The following KCND3 variants were observed in gnomAD, a reference collection of about 807,000 sequenced individuals.
KCND3 encodes A-type voltage-gated potassium channel KCND3.
A neutral mutation model predicts 51.1 loss-of-function variants in KCND3; 9 were observed. The observed-to-expected ratio is 0.18, with a 90% CI of 0.11 to 0.31. The LOEUF (loss-of-function observed/expected upper bound fraction) is 0.31. Ranked by LOEUF, KCND3 falls within the 10% of genes least tolerant of loss-of-function variation. The pLI, the probability that KCND3 is intolerant of heterozygous loss-of-function variation, is 1.00. For missense variants in KCND3, 526 were observed against 903.8 expected, an observed-to-expected ratio of 0.58 and a Z score of 5.36; for synonymous variants, 349 against 368.0, an observed-to-expected ratio of 0.95 and a Z score of 0.59.
intron 2 of KCND3, among the ~76,000 whole-genome samples, chr1:111,807,569 G>C (rs1300602901): frequency 1.3e-5 from 2 of 152,148 alleles, no homozygotes; most frequent in Non-Finnish European, 2.9e-5. Context: ...CCAGCTACTT[G>C]GGAGCCTGAG....
At chr1:111,895,573 A>G (rs900877996) in intron 2 of KCND3, among the ~76,000 whole-genome samples, 4 of 152,250 alleles carry the variant, frequency 2.6e-5, no homozygotes, top group Admixed American at 1.3e-4. Flanking sequence ...GCTGCATCCC[A>G]GTGATCAGGC....
At chr1:111,801,299 C>T (rs137898335) in intron 2 of KCND3, among the ~76,000 whole-genome samples, 13 of 152,328 alleles carry the variant, frequency 8.5e-5, no homozygotes, top group African/African-American at 2.9e-4. Flanking sequence ...GAGTCAGACA[C>T]CTTTATGCCC....
intron 2 of KCND3, among the ~76,000 whole-genome samples, chr1:111,879,546 TG>T (rs1669206442): frequency 6.6e-6 from 1 of 152,182 alleles, no homozygotes; most frequent in South Asian, 2.1e-4. Context: ...GCATGTGCTA[TG>T]GGGCTGAAAA....
At chr1:111,834,872 C>T (rs2014762) in intron 2 of KCND3, among the ~76,000 whole-genome samples, 86,865 of 152,036 alleles carry the variant, frequency 0.57, 25,002 homozygotes, top group Middle Eastern at 0.61. Flanking sequence ...AGCCAGGATG[C>T]CCAGCTGTGG....
intron 2 of KCND3, among the ~76,000 whole-genome samples, chr1:111,865,923 C>A (rs1281934761): frequency 6.6e-6 from 1 of 152,156 alleles, no homozygotes; most frequent in Non-Finnish European, 1.5e-5. Flanking sequence ...CTAGGCTGGT[C>A]TTAAACTCCT....
At chr1:111,790,986 G>T (rs1370900446) in intron 2 of KCND3, among the ~76,000 whole-genome samples, 1 of 152,140 alleles carries the variant, frequency 6.6e-6, no homozygotes, top group Non-Finnish European at 1.5e-5. Context: ...ATGACATTTG[G>T]GTTGTTCCCA....
intron 2 of KCND3, among the ~76,000 whole-genome samples, chr1:111,918,923 A>C (rs1052285493): frequency 6.6e-6 from 1 of 151,784 alleles, no homozygotes; most frequent in African/African-American, 2.4e-5. Context: ...TGTGTGTAGA[A>C]GCCCCTGTAG....
At chr1:111,786,443 A>G (rs549566559) in intron 3 of KCND3, among the ~76,000 whole-genome samples, 121 of 152,272 alleles carry the variant, frequency 7.9e-4, no homozygotes, top group African/African-American at 2.6e-3. Context: ...CCTTTGCCCT[A>G]TGATATCTTG....
chr1:111,774,663 TCTAGAATCTCTTACTTGCTTTTGCTTTG>T lies in KCND3; in HGVS notation c.*1386_*1413del, dbSNP rs1201875208. ...CATCTTTCATAGCAGGTAAGAATCATCTAGAATCTCTTACTTGCTTTTGCTTTGAAGCATTTTTCTTGAGGCACACAGG... is the reference window on the plus strand; with the variant it reads ...CATCTTTCATAGCAGGTAAGAATCATAAGCATTTTTCTTGAGGCACACAGG... On this transcript the variant is annotated 3_prime_UTR_variant, in exon 8 of 8. Coordinates refer to ENST00000302127, the MANE Select transcript of KCND3 (RefSeq NM_001378969.1). The T allele has an allele frequency of 1.3e-5, 2 of 152,220 alleles. No homozygotes were observed. Among genetic ancestry groups the T allele is most frequent in the Non-Finnish European group, 2.9e-5 (2 of 68,044 alleles). The allele number at this position is 152,220 out of a possible 1,614,324, so 9.4% of individuals were successfully genotyped here.
chr1:111,955,317 G>T (rs992592208), intron 2 of KCND3, among the ~76,000 whole-genome samples: 2 of 152,152 alleles, frequency 1.3e-5, no homozygotes, highest in African/African-American at 4.8e-5. Flanking sequence ...AGGAGGCTGG[G>T]GCGAGAGGAC....
Position 111,981,977 on chromosome 1 carries a change from G to A in KCND3, c.750C>T (p.Ser250=), listed in dbSNP as rs778246082. Reference sequence around the variant, plus strand: ...TGACGCTGCGGATGAAGCGGTAGCGGCTGGGAGCCGCGAAGAGCCGCAGGA... The same window carrying A: ...TGACGCTGCGGATGAAGCGGTAGCGACTGGGAGCCGCGAAGAGCCGCAGGA... ...EYLLRLFAAP[S]RYRFIRSVMS... The change falls in exon 2 of 8, where the codon AGC becomes AGT. Residue 250 remains serine, a synonymous_variant. Coordinates refer to ENST00000302127, the MANE Select transcript of KCND3 (RefSeq NM_001378969.1). The surrounding 1 kb of genome is among the most constrained non-coding windows in gnomAD (Gnocchi z 6.2). 1 of 1,614,032 alleles carries A rather than the reference G, an allele frequency of 6.2e-7. No homozygotes were observed. Among genetic ancestry groups the A allele is most frequent in the Admixed American group, 1.7e-5 (1 of 60,026 alleles).
Position 111,780,881 on chromosome 1 carries a change from G to GT in KCND3, c.1270-91dup. On this transcript the variant is annotated intron_variant, in intron 3 of 7. Coordinates refer to ENST00000302127, the MANE Select transcript of KCND3 (RefSeq NM_001378969.1). This position sits in a 1 kb window ranked among gnomAD's most constrained non-coding sequence, Gnocchi z 4.2. ...TGAAGCTGTGAGGCTGGCTTCCCAG[G>GT]TGACACCTGATGAAGGGGATGAGGC... 9.6e-7 allele frequency: 1 copy of GT among 1,044,990 alleles called. No individual in the cohort carries two copies. The highest frequency in any genetic ancestry group is 1.3e-5 in the South Asian group (1 of 74,424). The allele number at this position is 1,044,990 out of a possible 1,614,324, so 64.7% of individuals were successfully genotyped here.
At chr1:111,881,476 C>T (rs549913245) in intron 2 of KCND3, among the ~76,000 whole-genome samples, 23 of 152,356 alleles carry the variant, frequency 1.5e-4, no homozygotes, top group African/African-American at 5.1e-4. Context: ...TAACTCTGAG[C>T]GGGCTTCCCC....
At chr1:111,886,351 A>G (rs576542993) in intron 2 of KCND3, among the ~76,000 whole-genome samples, 42 of 152,358 alleles carry the variant, frequency 2.8e-4, no homozygotes, top group African/African-American at 9.6e-4. Flanking sequence ...TTGGAAAGGC[A>G]TTGACAAGTG....
chr1:111,927,952 C>T (rs776305587), intron 2 of KCND3, among the ~76,000 whole-genome samples: 20 of 152,182 alleles, frequency 1.3e-4, no homozygotes, highest in Non-Finnish European at 2.6e-4. Flanking sequence ...GGCTCACTCC[C>T]TCAGCATTTT....
chr1:111,937,798 T>C (rs574299861), intron 2 of KCND3, among the ~76,000 whole-genome samples: 6 of 152,278 alleles, frequency 3.9e-5, no homozygotes, highest in African/African-American at 1.4e-4. Flanking sequence ...ATCCATTCCC[T>C]GGGTAGGCCT....
intron 2 of KCND3, among the ~76,000 whole-genome samples, chr1:111,868,360 C>T (rs564644800): frequency 6.6e-5 from 10 of 152,208 alleles, no homozygotes; most frequent in Admixed American, 1.3e-4. Context: ...TCCCAGTGCT[C>T]GTGTTTAGGT....
At chr1:111,920,312 C>T (rs1433814827) in intron 2 of KCND3, among the ~76,000 whole-genome samples, 1 of 147,160 alleles carries the variant, frequency 6.8e-6, no homozygotes, top group African/African-American at 2.4e-5. Flanking sequence ...CTTCCTACAG[C>T]CCGACCTCAC....
At chr1:111,960,552 A>G (rs1673592006) in intron 2 of KCND3, among the ~76,000 whole-genome samples, 1 of 152,180 alleles carries the variant, frequency 6.6e-6, no homozygotes, top group African/African-American at 2.4e-5. Context: ...GGACCTCTCC[A>G]GCTCCCTCCC....
Sources: allele counts gnomAD v4.1 joint callset (sites outside exome capture counted in the v4.1 genomes callset), GRCh38; gene constraint gnomAD v4.1.1; non-coding constraint Gnocchi (gnomAD v3.1); transcripts MANE v1.5; gene names NCBI Gene and HGNC (gene_info 2026-07-23, HGNC 2026-07-21).